CADPS: variants seen among roughly 807,000 people sequenced by gnomAD.
CADPS encodes the protein calcium dependent secretion activator.
CADPS carries 57 observed loss-of-function variants against 167.3 expected under a neutral mutation model. The ratio of observed to expected loss-of-function variants is 0.34; its 90% CI spans 0.28 to 0.42. CADPS has a LOEUF of 0.42. Among genes scored for constraint, CADPS ranks in the 20% least tolerant of loss-of-function variants. CADPS has a pLI of 1.00. For synonymous variants in CADPS, 676 were observed against 635.3 expected (o/e 1.06, Z -0.96); for missense variants, 1,414 against 1,738.1 (o/e 0.81, Z 3.32).
chr3:62,679,468 T>C lies in CADPS; in HGVS notation c.889-17074A>G, dbSNP rs539506999. 2.3e-4 allele frequency among the ~76,000 whole-genome samples: 35 copies of C among 152,050 alleles called. No individual in the cohort carries two copies. The South Asian group carries it at 6.2e-3, about 27-fold the overall frequency. The stretch of plus-strand genomic sequence containing the variant: ...AGTCCCAGAGATGGGAGCTTATGTG[T>C]GGTTGGAAGACAGGAAGCTGATGAA... On this transcript the variant is annotated intron_variant, in intron 3 of 29. Coordinates refer to ENST00000383710, the MANE Select transcript of CADPS (RefSeq NM_003716.4).
intron 28 of CADPS, among the ~76,000 whole-genome samples, chr3:62,431,212 G>A (rs2053871820): frequency 6.6e-6 from 1 of 152,136 alleles, no homozygotes; most frequent in African/African-American, 2.4e-5. Flanking sequence ...GTATGTGTGT[G>A]TCAAAGTCAC....
intron 3 of CADPS, among the ~76,000 whole-genome samples, chr3:62,745,212 G>T (rs1284285218): frequency 6.6e-6 from 1 of 151,984 alleles, no homozygotes; most frequent in Non-Finnish European, 1.5e-5. Context: ...CCTCCCAAGT[G>T]TGAGCTACCA....
At chr3:62,425,918 C>T (rs997761594) in intron 28 of CADPS, among the ~76,000 whole-genome samples, 10 of 151,418 alleles carry the variant, frequency 6.6e-5, no homozygotes, top group African/African-American at 2.2e-4. Context: ...CCCAGTCCTG[C>T]CTCCTGGGGC....
chr3:62,617,776 G>A (rs1007078691), intron 6 of CADPS, among the ~76,000 whole-genome samples: 1 of 152,160 alleles, frequency 6.6e-6, no homozygotes, highest in Non-Finnish European at 1.5e-5. Flanking sequence ...TTAGGTTGCT[G>A]AAGAAAGGGT....
At position 62,431,054 on chromosome 3, in the gene CADPS, T is replaced by TGTC. The variant is rs1264560948; in HGVS notation, c.3777+7049_3777+7050insGAC. On this transcript the variant is annotated intron_variant, in intron 28 of 29. Coordinates refer to ENST00000383710, the MANE Select transcript of CADPS (RefSeq NM_003716.4). ...TGCTCTTTAGCTTCATAATTGAGGA[T>TGTC]AGAGATGAGGTCACAGTTCAATTAA... Among the ~76,000 whole-genome samples, 895 of 152,284 alleles carry TGTC rather than the reference T, an allele frequency of 5.9e-3. 6 individuals are homozygous for TGTC. Among genetic ancestry groups the TGTC allele is most frequent in the African/African-American group, 0.021 (859 of 41,564 alleles).
rs1420154040 is a variant in CADPS at position 62,592,714 on chromosome 3, C to T, written c.1360G>A (p.Ala454Thr). The T allele has an allele frequency of 5.6e-6, 9 of 1,614,158 alleles. No homozygotes were observed. The East Asian group carries it at 2.0e-4, about 36-fold the overall frequency. The change falls in exon 7 of 30, where the codon GCA becomes ACA. Residue 454 changes from alanine to threonine, a missense_variant. Ala to Thr is a moderately conservative substitution (Grantham distance 58, BLOSUM62 0). This residue lies in a region of CADPS where 157 missense variants were observed against 229.4 expected (regional missense o/e 0.68). Transcript: ENST00000383710. ...AGCTTCACCTTCACAGCTGGCAGTG[C>T]ATGGGTTGTGGAGAAGTCACCCTGG... ...GTQGDFSTTH[A>T]LPAVKVKLFT...
At chr3:62,414,162 G>A (rs909541780) in intron 28 of CADPS, among the ~76,000 whole-genome samples, 2 of 152,152 alleles carry the variant, frequency 1.3e-5, no homozygotes, top group Non-Finnish European at 2.9e-5. Context: ...AACAAGAAAA[G>A]GATGCATTTT....
At chr3:62,745,862 C>T (rs191520505) in intron 3 of CADPS, among the ~76,000 whole-genome samples, 69 of 152,210 alleles carry the variant, frequency 4.5e-4, no homozygotes, top group Middle Eastern at 3.4e-3. Context: ...TAGTGGTGAA[C>T]GCAATAGACA....
chr3:62,583,155 GTC>G (rs61474581), intron 8 of CADPS, among the ~76,000 whole-genome samples: 19,797 of 147,182 alleles, frequency 0.13, 1,527 homozygotes, highest in East Asian at 0.3. Context: ...TACCCTCTTT[GTC>G]TCTCTCTCTC....
At chr3:62,600,502 G>A (rs2059800298) in intron 6 of CADPS, among the ~76,000 whole-genome samples, 1 of 152,160 alleles carries the variant, frequency 6.6e-6, no homozygotes, top group African/African-American at 2.4e-5. Context: ...CTGTAAGAGG[G>A]TGGCAAATAA....
intron 3 of CADPS, among the ~76,000 whole-genome samples, chr3:62,733,144 A>T (rs1264461593): frequency 6.6e-6 from 1 of 152,204 alleles, no homozygotes; most frequent in East Asian, 1.9e-4. Flanking sequence ...AAATCAGGCC[A>T]CTCTAACCTA....
intron 1 of CADPS, among the ~76,000 whole-genome samples, chr3:62,853,030 G>GC (rs2078940236): frequency 6.6e-6 from 1 of 152,116 alleles, no homozygotes; most frequent in African/African-American, 2.4e-5. Context: ...ATGAGCTACA[G>GC]CCCCTAGAAA....
At chr3:62,474,452 G>A (rs2150608882) in intron 23 of CADPS, 132 bp from the exon 24 acceptor site, 1 of 782,108 alleles carries the variant, frequency 1.3e-6, no homozygotes, top group Non-Finnish European at 2.1e-6. Flanking sequence ...GACTTCACAT[G>A]TGTTCCCTTT....
At chr3:62,758,686 A>G (rs1341054131) in intron 2 of CADPS, among the ~76,000 whole-genome samples, 1 of 152,228 alleles carries the variant, frequency 6.6e-6, no homozygotes, top group Non-Finnish European at 1.5e-5. Flanking sequence ...CTATCTGGGC[A>G]CATCCATAAA....
At chr3:62,787,057 GC>G (rs1343538854) in intron 1 of CADPS, among the ~76,000 whole-genome samples, 3 of 152,174 alleles carry the variant, frequency 2.0e-5, no homozygotes, top group Admixed American at 6.5e-5. Context: ...ACTTTGGGAG[GC>G]TGAGGCAGGA....
chr3:62,851,184 G>T (rs1469869550), intron 1 of CADPS, among the ~76,000 whole-genome samples: 3 of 139,656 alleles, frequency 2.1e-5, no homozygotes, highest in Non-Finnish European at 4.7e-5. Flanking sequence ...ACGTGAGATG[G>T]GTTTCCTGAA....
At chr3:62,633,318 A>G (rs2149750265) in intron 6 of CADPS, among the ~76,000 whole-genome samples, 1 of 152,214 alleles carries the variant, frequency 6.6e-6, no homozygotes, top group Non-Finnish European at 1.5e-5. Context: ...CCCCACTCCC[A>G]TTGCTGCTCA....
chr3:62,493,004 A>G (rs999603001), intron 19 of CADPS, among the ~76,000 whole-genome samples: 1 of 152,226 alleles, frequency 6.6e-6, no homozygotes, highest in South Asian at 2.1e-4. Context: ...AATTGTCACA[A>G]AACTTTTGAG....
In CADPS at chr3:62,417,276, C is replaced by CTTTTTTTTTTTTTTTTTT. The variant is rs11353455; in HGVS notation, c.3778-14109_3778-14092dup. On this transcript the variant is annotated intron_variant, in intron 28 of 29. Transcript: ENST00000383710. ...ACACAATAACTATTTTTCTTTTACTCTTTTTTTTTTTTTTTTTTTTTTTTT... is the reference window on the plus strand; with the variant it reads ...ACACAATAACTATTTTTCTTTTACTCTTTTTTTTTTTTTTTTTTTTTTTTTTTTTTTTTTTTTTTTTTT... 1.4e-3 allele frequency among the ~76,000 whole-genome samples: 87 copies of CTTTTTTTTTTTTTTTTTT among 64,080 alleles called. 33 individuals carry two copies. The highest frequency in any genetic ancestry group is 1.3e-3 in the Non-Finnish European group (43 of 33,624). 42.0% of individuals were successfully genotyped at this position (64,080 alleles called of 152,430 possible).
Sources: allele counts gnomAD v4.1 joint callset (sites outside exome capture counted in the v4.1 genomes callset), GRCh38; gene constraint gnomAD v4.1.1; regional missense constraint gnomAD v4.1.1; transcripts MANE v1.5; gene names NCBI Gene and HGNC (gene_info 2026-07-23, HGNC 2026-07-21).